Variants in PIWIL1 observed in about 807,000 individuals in gnomAD.
PIWIL1 encodes piwi-like protein 1.
Under a neutral mutation model 114.4 loss-of-function variants are expected in PIWIL1, and 73 were observed. That is an observed-to-expected ratio of 0.64 (90% CI 0.53 to 0.78). The LOEUF (loss-of-function observed/expected upper bound fraction) is 0.78, where lower values mean the gene tolerates loss of function less well. PIWIL1 is among the 30% of genes least tolerant of loss of function. PIWIL1 has a pLI of 0.00. For missense variants in PIWIL1, 723 were observed against 1,063.1 expected, an observed-to-expected ratio of 0.68 and a Z score of 4.45; for synonymous variants, 375 against 369.0, an observed-to-expected ratio of 1.02 and a Z score of -0.19.
At chr12:130,369,179 A>G (rs1290907895) in intron 19 of PIWIL1, among the ~76,000 whole-genome samples, 2 of 152,182 alleles carry the variant, frequency 1.3e-5, no homozygotes, top group Non-Finnish European at 2.9e-5. Context: ...TAGTTTGCTG[A>G]GGATAACGGC....
the PIWIL1 span, among the ~76,000 whole-genome samples, chr12:130,408,226 T>C: frequency 6.6e-6 from 1 of 152,156 alleles, no homozygotes; most frequent in African/African-American, 2.4e-5. Flanking sequence ...GAAGGCCCCA[T>C]AGACACAGTT....
At position 130,354,521 on chromosome 12, in the gene PIWIL1, T is replaced by C. The variant is rs769540084; in HGVS notation, c.1045-16T>C. On this transcript the variant is annotated splice_polypyrimidine_tract_variant and intron_variant, in intron 9 of 20. Transcript: ENST00000245255. ...GGCATTTGCCGTGAACAGCGACCCTTTCGTCTCTTGAGCAGCAATACAACC... is the reference window on the plus strand; with the variant it reads ...GGCATTTGCCGTGAACAGCGACCCTCTCGTCTCTTGAGCAGCAATACAACC... 6.2e-7 allele frequency: 1 copy of C among 1,614,014 alleles called. No homozygotes were observed. Among genetic ancestry groups the C allele is most frequent in the South Asian group, 1.1e-5 (1 of 91,052 alleles).
chr12:130,373,732 G>A (rs988559074), downstream of PIWIL1, among the ~76,000 whole-genome samples: 2 of 152,038 alleles, frequency 1.3e-5, no homozygotes, highest in African/African-American at 4.8e-5. Context: ...AGTTGAAAGG[G>A]GTCTCCTTAA....
chr12:130,375,843 C>T (rs188648037), downstream of PIWIL1, among the ~76,000 whole-genome samples: 6 of 152,298 alleles, frequency 3.9e-5, no homozygotes, highest in Admixed American at 3.3e-4. Flanking sequence ...TCCTGGCCAT[C>T]CTCCAGCCAG....
At chr12:130,381,249 A>G in the PIWIL1 span, among the ~76,000 whole-genome samples, 2 of 152,218 alleles carry the variant, frequency 1.3e-5, no homozygotes, top group Admixed American at 1.3e-4. Flanking sequence ...GGACGGATGT[A>G]TAATGTATGT....
chr12:130,366,882 G>A (rs2073674398), intron 18 of PIWIL1, among the ~76,000 whole-genome samples: 1 of 152,114 alleles, frequency 6.6e-6, no homozygotes, highest in East Asian at 1.9e-4. Flanking sequence ...AATGTGTTTG[G>A]TCTATGGATA....
chr12:130,381,242 C>T, the PIWIL1 span, among the ~76,000 whole-genome samples: 8 of 152,142 alleles, frequency 5.3e-5, no homozygotes, highest in East Asian at 5.8e-4. Context: ...TGGATTTGGA[C>T]GGATGTATAA....
At chr12:130,342,535 G>C in intron 1 of PIWIL1, 45 bp from the exon 2 acceptor site, 1 of 1,098,712 alleles carries the variant, frequency 9.1e-7, no homozygotes, top group South Asian at 1.3e-5. Flanking sequence ...TATCAAATGC[G>C]ATTGCCTCCA....
chr12:130,343,321 G>T (rs2072976833), intron 3 of PIWIL1, among the ~76,000 whole-genome samples: 1 of 152,074 alleles, frequency 6.6e-6, no homozygotes, highest in Non-Finnish European at 1.5e-5. Flanking sequence ...TAAAAAAATG[G>T]TTACTCAGGA....
the PIWIL1 span, chr12:130,399,014 T>C: frequency 8.0e-6 from 4 of 500,112 alleles, no homozygotes. Context: ...TGTATCTTTT[T>C]TTTTTTTTAA....
the PIWIL1 span, chr12:130,407,652 C>T: frequency 4.2e-6 from 5 of 1,191,128 alleles, no homozygotes; most frequent in East Asian, 2.3e-5. Flanking sequence ...CACACGTGGC[C>T]TCAGTGTGGT....
rs763470534 is a variant in PIWIL1 at position 130,346,347 on chromosome 12, T to C, written c.317-23T>C. 11 of 1,554,460 alleles carry C rather than the reference T, an allele frequency of 7.1e-6. No homozygotes were observed. The East Asian group carries it at 2.5e-4, about 35-fold the overall frequency. ...AAAAATAAACTTGATATTTTGTTAA[T>C]TGACTATAACTTCCTTTTCCAGGTT... On this transcript the variant is annotated intron_variant, in intron 4 of 20. Transcript: ENST00000245255.
chr12:130,342,364 G>T, intron 1 of PIWIL1: 1 of 535,404 alleles, frequency 1.9e-6, no homozygotes, highest in Non-Finnish European at 3.4e-6. Flanking sequence ...TTCCCCTTTG[G>T]CCCTACTGCA....
the PIWIL1 span, chr12:130,424,923 CA>C: frequency 1.8e-5 from 18 of 994,180 alleles, no homozygotes; most frequent in Admixed American, 4.3e-5. The surrounding 1 kb of genome is among the most constrained non-coding windows in gnomAD (Gnocchi z 9.8). Context: ...AAGTGGGGGC[CA>C]GGGGAGGAAA....
chr12:130,424,972 G>C, the PIWIL1 span: 13,320 of 550,046 alleles, frequency 0.024, 226 homozygotes, highest in Non-Finnish European at 0.029. This position sits in a 1 kb window ranked among gnomAD's most constrained non-coding sequence, Gnocchi z 9.8. Flanking sequence ...GGCACCGAGG[G>C]GGGGGAAGCA....
chr12:130,391,582 G>A, the PIWIL1 span, among the ~76,000 whole-genome samples: 17,696 of 152,180 alleles, frequency 0.12, 1,148 homozygotes, highest in South Asian at 0.22. Context: ...ACTTACATGT[G>A]TCTTCTTCTT....
chr12:130,396,614 T>C, the PIWIL1 span: 4 of 152,760 alleles, frequency 2.6e-5, no homozygotes, highest in South Asian at 2.1e-4. Context: ...CAGAAAACCA[T>C]ATGCCACAGA....
In PIWIL1 at chr12:130,343,076, A is replaced by G; in HGVS notation, c.165A>G (p.Thr55=). 6.2e-7 allele frequency: 1 copy of G among 1,613,706 alleles called. No individual in the cohort carries two copies. Among genetic ancestry groups the G allele is most frequent in the Non-Finnish European group, 8.5e-7 (1 of 1,179,704 alleles). The change falls in exon 3 of 21, where the codon ACA becomes ACG. Residue 55 remains threonine (T), a synonymous_variant. Coordinates refer to ENST00000245255, the MANE Select transcript of PIWIL1 (RefSeq NM_004764.5). Reference sequence around the variant, plus strand: ...TTGGCCGTGGACGGCAGAGAGGAACAGCAGGAGGAACAGCCAAGTCACAAG... The same window carrying G: ...TTGGCCGTGGACGGCAGAGAGGAACGGCAGGAGGAACAGCCAAGTCACAAG... ...ELFGRGRQRG[T]AGGTAKSQGL...
At chr12:130,354,762 C>A (rs1050618100) in intron 10 of PIWIL1, 99 bp downstream of exon 10, 11 of 1,483,458 alleles carry the variant, frequency 7.4e-6, no homozygotes, top group African/African-American at 7.0e-5. Flanking sequence ...TCCCTCCCCC[C>A]AGAAAACCTT....
Sources: allele counts gnomAD v4.1 joint callset (sites outside exome capture counted in the v4.1 genomes callset), GRCh38; gene constraint gnomAD v4.1.1; non-coding constraint Gnocchi (gnomAD v3.1); transcripts MANE v1.5; gene names NCBI Gene and HGNC (gene_info 2026-07-23, HGNC 2026-07-21).